The following MTUS2 variants were observed in gnomAD, a reference collection of about 807,000 sequenced individuals.
MTUS2 encodes the protein microtubule associated scaffold protein 2.
In MTUS2, 40 loss-of-function variants were observed where a neutral mutation model predicts 114.1. The ratio of observed to expected loss-of-function variants is 0.35; its 90% CI spans 0.27 to 0.46. The LOEUF (loss-of-function observed/expected upper bound fraction) is 0.46, where lower values mean the gene tolerates loss of function less well. MTUS2 is among the 20% of genes least tolerant of loss of function. The probability of loss-of-function intolerance (pLI) is 1.00; values close to 1 mark genes in which losing one functional copy is unlikely to be tolerated. For synonymous variants in MTUS2, 688 were observed against 672.0 expected (o/e 1.02, Z -0.37); for missense variants, 1,679 against 1,705.4 (o/e 0.98, Z 0.27).
chr13:28,913,865 A>G (rs549367300), intron 2 of MTUS2, among the ~76,000 whole-genome samples: 184 of 152,042 alleles, frequency 1.2e-3, no homozygotes, highest in African/African-American at 3.7e-3. Flanking sequence ...GTGTCTAGAA[A>G]TTTATCCATT....
intron 4 of MTUS2, among the ~76,000 whole-genome samples, chr13:29,037,934 G>A (rs1887158992): frequency 6.6e-6 from 1 of 152,126 alleles, no homozygotes; most frequent in African/African-American, 2.4e-5. Context: ...AAGGTGCTTA[G>A]CTTCCTTGCA....
intron 2 of MTUS2, among the ~76,000 whole-genome samples, chr13:28,898,698 T>C (rs1033631276): frequency 2.0e-5 from 3 of 152,236 alleles, no homozygotes; most frequent in Non-Finnish European, 4.4e-5. Flanking sequence ...AATGTCTCAA[T>C]GGGAATCATT....
chr13:29,158,226 A>C (rs1275309843), intron 5 of MTUS2, among the ~76,000 whole-genome samples: 1 of 152,062 alleles, frequency 6.6e-6, no homozygotes, highest in Non-Finnish European at 1.5e-5. Context: ...AGATGAAAAG[A>C]TTGCCAGTTC....
intron 5 of MTUS2, among the ~76,000 whole-genome samples, chr13:29,220,539 G>A (rs896505488): frequency 6.6e-6 from 1 of 152,140 alleles, no homozygotes; most frequent in Non-Finnish European, 1.5e-5. Flanking sequence ...TTGTGCCTTG[G>A]GGAATAGGGA....
At chr13:29,318,391 C>CTTTTTTTTCTTTTCTTTTTT (rs1900104242) in intron 6 of MTUS2, among the ~76,000 whole-genome samples, 1 of 135,038 alleles carries the variant, frequency 7.4e-6, no homozygotes, top group Non-Finnish European at 1.5e-5. Flanking sequence ...ATTTCTTTTT[C>CTTTTTTTTCTTTTCTTTTTT]TTTTTTTTTT....
intron 7 of MTUS2, among the ~76,000 whole-genome samples, chr13:29,330,721 G>C (rs1021859441): frequency 1.3e-5 from 2 of 152,036 alleles, no homozygotes; most frequent in Admixed American, 6.5e-5. Flanking sequence ...TTTTTGTCAG[G>C]GTTGTCAAAG....
At chr13:29,077,839 A>G (rs1341385506) in intron 4 of MTUS2, among the ~76,000 whole-genome samples, 1 of 152,242 alleles carries the variant, frequency 6.6e-6, no homozygotes. Flanking sequence ...TCAATATAAT[A>G]GTAAAACTTA....
At chr13:29,409,826 C>G (rs1295737772) in intron 8 of MTUS2, among the ~76,000 whole-genome samples, 1 of 148,444 alleles carries the variant, frequency 6.7e-6, no homozygotes, top group Non-Finnish European at 1.5e-5. Flanking sequence ...AACCATAGTA[C>G]TCCATTGAGT....
chr13:28,984,776 G>A (rs1884504889), intron 2 of MTUS2, among the ~76,000 whole-genome samples: 1 of 152,234 alleles, frequency 6.6e-6, no homozygotes, highest in Non-Finnish European at 1.5e-5. Context: ...ACATTCCTAA[G>A]GAAGGGCTAG....
intron 7 of MTUS2, among the ~76,000 whole-genome samples, chr13:29,333,022 C>G (rs7991333): frequency 0.23 from 34,696 of 151,952 alleles, 4,102 homozygotes; most frequent in African/African-American, 0.3. Context: ...TATAAATTTC[C>G]CTCTAAACAC....
chr13:29,383,316 C>T (rs1270643847), intron 8 of MTUS2, among the ~76,000 whole-genome samples: 1 of 148,724 alleles, frequency 6.7e-6, no homozygotes, highest in Non-Finnish European at 1.5e-5. Flanking sequence ...TAGTAAAAAT[C>T]ATATTTTAAA....
intron 1 of MTUS2, among the ~76,000 whole-genome samples, chr13:28,829,299 G>A (rs1349189761): frequency 6.6e-6 from 1 of 152,090 alleles, no homozygotes; most frequent in African/African-American, 2.4e-5. Flanking sequence ...GCTGAGACAG[G>A]TGGGTCACCT....
At chr13:29,159,167 T>A (rs570916118) in intron 5 of MTUS2, among the ~76,000 whole-genome samples, 16 of 152,352 alleles carry the variant, frequency 1.1e-4, no homozygotes, top group Admixed American at 9.8e-4. Flanking sequence ...ATGTGTTATG[T>A]GTATGTATGT....
At chr13:29,157,787 TATAG>T (rs1026091887) in intron 5 of MTUS2, among the ~76,000 whole-genome samples, 5 of 151,812 alleles carry the variant, frequency 3.3e-5, no homozygotes, top group African/African-American at 7.2e-5. Flanking sequence ...GATATATATA[TATAG>T]ATAGATAGAT....
intron 9 of MTUS2, among the ~76,000 whole-genome samples, chr13:29,441,805 G>A (rs1266673523): frequency 6.6e-6 from 1 of 152,122 alleles, no homozygotes; most frequent in Non-Finnish European, 1.5e-5. Flanking sequence ...GCACACATGG[G>A]AGCCATCCTC....
chr13:29,287,402 G>A (rs913051145), intron 6 of MTUS2, among the ~76,000 whole-genome samples: 6 of 152,094 alleles, frequency 3.9e-5, no homozygotes, highest in Non-Finnish European at 5.9e-5. Context: ...CCCTATTCTC[G>A]CTCGTGGTGG....
At chr13:28,997,799 G>T (rs1186740186) in intron 2 of MTUS2, among the ~76,000 whole-genome samples, 3 of 152,022 alleles carry the variant, frequency 2.0e-5, no homozygotes, top group African/African-American at 7.3e-5. Flanking sequence ...CACGTGAGAT[G>T]GGTTTCCTGA....
At chr13:29,307,935 C>T (rs886361954) in intron 6 of MTUS2, 22 of 509,394 alleles carry the variant, frequency 4.3e-5, no homozygotes, top group African/African-American at 4.1e-4. Flanking sequence ...CTAGGGAGCC[C>T]CACCTTGTCA....
At chr13:29,091,568 C>G (rs1332522523) in intron 4 of MTUS2, among the ~76,000 whole-genome samples, 1 of 152,118 alleles carries the variant, frequency 6.6e-6, no homozygotes, top group African/African-American at 2.4e-5. Context: ...TTCACATGAT[C>G]CAGTCTTCCC....
Sources: allele counts gnomAD v4.1 joint callset (sites outside exome capture counted in the v4.1 genomes callset), GRCh38; gene constraint gnomAD v4.1.1; transcripts MANE v1.5; gene names NCBI Gene and HGNC (gene_info 2026-07-23, HGNC 2026-07-21).